Variants in PMM2 observed in about 807,000 individuals in gnomAD.
The protein encoded by PMM2 is phosphomannomutase 2.
Under a neutral mutation model 33.2 loss-of-function variants are expected in PMM2, and 35 were observed. The ratio of observed to expected loss-of-function variants is 1.06; its 90% CI spans 0.81 to 1.40. The LOEUF (loss-of-function observed/expected upper bound fraction) is 1.40. Ranked by LOEUF, PMM2 falls within the 40% of genes most tolerant of loss-of-function variation. PMM2 has a pLI of 0.00. For synonymous variants in PMM2, 153 were observed against 114.7 expected, an observed-to-expected ratio of 1.33 and a Z score of -2.13; for missense variants, 386 against 306.0, an observed-to-expected ratio of 1.26 and a Z score of -1.95.
In PMM2 at chr16:8,809,606, C is replaced by T. The variant is rs2060666999; in HGVS notation, c.348-1473C>T. The T allele has an allele frequency of 1.3e-5, 2 of 152,092 alleles. 1 individual carries two copies. The highest frequency in any genetic ancestry group is 4.2e-4 in the South Asian group (2 of 4,814). 9.4% of individuals were successfully genotyped at this position (152,092 alleles called of 1,614,324 possible). A position where few individuals can be genotyped will look rare whatever the true frequency, so the allele number is the denominator to read the frequency against. On this transcript the variant is annotated intron_variant, in intron 4 of 7. Transcript: ENST00000268261. The stretch of plus-strand genomic sequence containing the variant: ...TAGCTGGGACTACAGGCATGCGCTA[C>T]CATGTCCCGCTAATTTTTGTATTTT...
chr16:8,808,814 A>G (rs2060661146), intron 4 of PMM2: 1 of 152,210 alleles, frequency 6.6e-6, no homozygotes, highest in African/African-American at 2.4e-5. Context: ...CAGTGCTCAT[A>G]CACACGTGGT....
chr16:8,847,677 C>T (rs756169200), intron 7 of PMM2, 47 bp from the exon 8 acceptor site: 20 of 1,422,554 alleles, frequency 1.4e-5, no homozygotes, highest in South Asian at 2.3e-5. Flanking sequence ...AGCAATGGCC[C>T]GGGACAGACG....
At chr16:8,831,590 A>G (rs1451851427) in intron 7 of PMM2, among the ~76,000 whole-genome samples, 1 of 152,194 alleles carries the variant, frequency 6.6e-6, no homozygotes, top group Non-Finnish European at 1.5e-5. Flanking sequence ...GTGCTATAGG[A>G]GGCATCCACA....
At chr16:8,815,746 A>G (rs1386862544) in intron 7 of PMM2, among the ~76,000 whole-genome samples, 2 of 152,256 alleles carry the variant, frequency 1.3e-5, no homozygotes, top group Non-Finnish European at 2.9e-5. Flanking sequence ...ATAGGGAAAA[A>G]GCAATGATAT....
At chr16:8,811,410 T>C (rs2060677086) in intron 5 of PMM2, among the ~76,000 whole-genome samples, 1 of 152,140 alleles carries the variant, frequency 6.6e-6, no homozygotes, top group African/African-American at 2.4e-5. Flanking sequence ...GTCCCGGCTA[T>C]TTGTTTGGCT....
chr16:8,832,128 G>A (rs2060813633), intron 7 of PMM2: 1 of 985,146 alleles, frequency 1.0e-6, no homozygotes, highest in South Asian at 4.7e-5. Flanking sequence ...CAGCTACTCT[G>A]GTATGCAAGC....
At chr16:8,816,973 AG>A in intron 7 of PMM2, among the ~76,000 whole-genome samples, 1 of 152,304 alleles carries the variant, frequency 6.6e-6, no homozygotes, top group Non-Finnish European at 1.5e-5. Flanking sequence ...AAATAAAGAC[AG>A]GGTCTTGCTG....
intron 7 of PMM2, among the ~76,000 whole-genome samples, chr16:8,840,314 C>G (rs1159016496): frequency 2.6e-5 from 4 of 151,558 alleles, no homozygotes; most frequent in Admixed American, 2.0e-4. Flanking sequence ...CATCTATCCA[C>G]TCTAAGAGGG....
At chr16:8,798,409 C>G (rs1489584632) in intron 1 of PMM2, among the ~76,000 whole-genome samples, 3 of 152,104 alleles carry the variant, frequency 2.0e-5, no homozygotes, top group African/African-American at 4.8e-5. Flanking sequence ...TGACCTTCAG[C>G]GAGTCATTAA....
At chr16:8,803,955 A>C (rs560684287) in intron 2 of PMM2, among the ~76,000 whole-genome samples, 1 of 149,004 alleles carries the variant, frequency 6.7e-6, no homozygotes, top group South Asian at 2.1e-4. Flanking sequence ...AAGTGCTGGG[A>C]TTACAGGCAT....
chr16:8,800,665 C>CTTT (rs35148703), intron 1 of PMM2, among the ~76,000 whole-genome samples: 10 of 126,676 alleles, frequency 7.9e-5, no homozygotes, highest in Admixed American at 1.6e-4. Flanking sequence ...TAAGCTTCTC[C>CTTT]TTTTTTTTTT....
intron 7 of PMM2, chr16:8,842,431 G>A (rs2060896525): frequency 6.6e-6 from 1 of 152,256 alleles, no homozygotes; most frequent in Admixed American, 6.5e-5. Flanking sequence ...GAGCTTGGCT[G>A]AAGTAATGAG....
rs1037147648 is a variant in PMM2, at chr16:8,797,997, G to T, written c.66+49G>T. Reference sequence around the variant, plus strand: ...TGGCAGCCGACGCGGAGCCCGTGCTGTTCCCAGTTGGGGCTATCGACCACC... The same window carrying T: ...TGGCAGCCGACGCGGAGCCCGTGCTTTTCCCAGTTGGGGCTATCGACCACC... On this transcript the variant is annotated intron_variant, in intron 1 of 7. Transcript: ENST00000268261. 20 of 1,546,116 alleles carry T rather than the reference G, an allele frequency of 1.3e-5. No individual in the cohort carries two copies. In the East Asian group the frequency reaches 4.7e-4, roughly 37 times the overall value.
chr16:8,805,192 C>G (rs376435051), intron 3 of PMM2, among the ~76,000 whole-genome samples: 42 of 152,284 alleles, frequency 2.8e-4, no homozygotes, highest in African/African-American at 9.6e-4. Context: ...CTCAGCCTCC[C>G]CCATAGCTGG....
chr16:8,807,450 GCTT>G (rs2060654093), intron 4 of PMM2: 1 of 151,756 alleles, frequency 6.6e-6, no homozygotes, highest in Non-Finnish European at 1.5e-5. Context: ...GTCACAGACT[GCTT>G]CTCTCATTTT....
At position 8,828,212 on chromosome 16, in the gene PMM2, G is replaced by A. The variant is rs1028588783; in HGVS notation, c.639+15106G>A. On this transcript the variant is annotated intron_variant, in intron 7 of 7. Coordinates refer to ENST00000268261, the MANE Select transcript of PMM2 (RefSeq NM_000303.3). ...ATAAGATGTCTCAAAGGGATGGTAA[G>A]CAGTTTTTTGTTTTTTTCTTTTACA... 3.3e-5 allele frequency among the ~76,000 whole-genome samples: 5 copies of A among 151,598 alleles called. No homozygotes were observed. In the East Asian group the frequency reaches 9.7e-4, roughly 29 times the overall value.
intron 7 of PMM2, among the ~76,000 whole-genome samples, chr16:8,822,346 T>C (rs552975181): frequency 1.1e-3 from 174 of 152,344 alleles, no homozygotes; most frequent in Non-Finnish European, 1.7e-3. Context: ...GACAGTGATA[T>C]TATTTTCAGG....
chr16:8,842,615 G>A (rs942977329), intron 7 of PMM2, among the ~76,000 whole-genome samples: 3 of 152,198 alleles, frequency 2.0e-5, no homozygotes, highest in Non-Finnish European at 4.4e-5. Context: ...GGAAGGTATT[G>A]AGGATGAAAG....
At chr16:8,832,950 G>A (rs1014197715) in intron 7 of PMM2, 10 of 983,590 alleles carry the variant, frequency 1.0e-5, no homozygotes, top group Non-Finnish European at 1.1e-5. Context: ...AGAGCTGTCT[G>A]TTGATGACTG....
Sources: gnomAD v4.1 joint callset for allele counts (sites outside exome capture counted in the v4.1 genomes callset) on GRCh38, gnomAD v4.1.1 for gene constraint, MANE v1.5 for transcripts, NCBI Gene and HGNC (gene_info 2026-07-23, HGNC 2026-07-21) for gene names.